TAFA1: variants seen among roughly 807,000 people sequenced by gnomAD.
TAFA1 encodes TAFA chemokine like family member 1, also known as chemokine-like protein TAFA-1.
Under a neutral mutation model 18.5 loss-of-function variants are expected in TAFA1, and 4 were observed. The observed-to-expected ratio is 0.22, with a 90% CI of 0.11 to 0.49. TAFA1 has a LOEUF of 0.49. Among genes scored for constraint, TAFA1 ranks in the 20% least tolerant of loss-of-function variants. The pLI is 0.98. For synonymous variants in TAFA1, 56 were observed against 55.2 expected (o/e 1.01, Z -0.06); for missense variants, 147 against 169.0 (o/e 0.87, Z 0.72).
chr3:68,194,431 A>G (rs112947567), intron 2 of TAFA1, among the ~76,000 whole-genome samples: 36 of 151,874 alleles, frequency 2.4e-4, no homozygotes, highest in African/African-American at 8.2e-4. Flanking sequence ...AGATGAGACT[A>G]ACCAGACAAT....
chr3:68,225,182 A>G (rs550077487), intron 2 of TAFA1, among the ~76,000 whole-genome samples: 2 of 152,044 alleles, frequency 1.3e-5, no homozygotes, highest in Middle Eastern at 6.8e-3. Context: ...TGCTTGGATT[A>G]CAGGCATGAG....
intron 2 of TAFA1, among the ~76,000 whole-genome samples, chr3:68,120,411 G>C (rs2065385510): frequency 6.6e-6 from 1 of 151,850 alleles, no homozygotes; most frequent in Non-Finnish European, 1.5e-5. Flanking sequence ...ACTGCACCTG[G>C]CTAACTTTTA....
At chr3:68,214,273 C>T (rs1018520035) in intron 2 of TAFA1, among the ~76,000 whole-genome samples, 3 of 152,066 alleles carry the variant, frequency 2.0e-5, no homozygotes, top group Non-Finnish European at 4.4e-5. Flanking sequence ...TTGCCAAGCA[C>T]ACTTGAAACA....
At chr3:68,336,120 C>G (rs1205500222) in intron 2 of TAFA1, among the ~76,000 whole-genome samples, 1 of 152,200 alleles carries the variant, frequency 6.6e-6, no homozygotes, top group Non-Finnish European at 1.5e-5. Context: ...CATTGGCTTT[C>G]TAATTTGACA....
intron 2 of TAFA1, among the ~76,000 whole-genome samples, chr3:68,069,196 C>T (rs927022463): frequency 2.0e-5 from 3 of 152,064 alleles, no homozygotes; most frequent in Non-Finnish European, 4.4e-5. Flanking sequence ...TAAAGACATA[C>T]CCGAGACTGG....
At chr3:68,242,439 C>T (rs2067011369) in intron 2 of TAFA1, among the ~76,000 whole-genome samples, 1 of 152,086 alleles carries the variant, frequency 6.6e-6, no homozygotes, top group South Asian at 2.1e-4. Flanking sequence ...CAACTGGTTA[C>T]AAGTTCTAAA....
chr3:68,527,684 G>C (rs796683090), intron 3 of TAFA1, among the ~76,000 whole-genome samples: 1 of 152,050 alleles, frequency 6.6e-6, no homozygotes, highest in Non-Finnish European at 1.5e-5. Context: ...TTGGTGCAGA[G>C]TTCCAAAAAG....
At chr3:68,459,603 T>C (rs1024374887) in intron 3 of TAFA1, among the ~76,000 whole-genome samples, 1 of 152,222 alleles carries the variant, frequency 6.6e-6, no homozygotes, top group Non-Finnish European at 1.5e-5. Flanking sequence ...TAAATGAAAC[T>C]AATACTAGTT....
At chr3:68,222,188 A>G (rs1309201485) in intron 2 of TAFA1, among the ~76,000 whole-genome samples, 2 of 81,484 alleles carry the variant, frequency 2.5e-5, no homozygotes, top group Non-Finnish European at 5.7e-5. Flanking sequence ...AACAAAACCA[A>G]GCCTAAAAAC....
chr3:68,413,172 C>T (rs1456524589), intron 2 of TAFA1, among the ~76,000 whole-genome samples: 3 of 152,130 alleles, frequency 2.0e-5, no homozygotes, highest in Non-Finnish European at 4.4e-5. Flanking sequence ...ACATAATTGT[C>T]TTCTTTTGAG....
intron 2 of TAFA1, among the ~76,000 whole-genome samples, chr3:68,121,760 C>A (rs2065402343): frequency 6.6e-6 from 1 of 152,080 alleles, no homozygotes; most frequent in Admixed American, 6.5e-5. Context: ...GCATACACTG[C>A]CATTTATATC....
At chr3:68,240,289 G>A (rs1163746832) in intron 2 of TAFA1, among the ~76,000 whole-genome samples, 1 of 152,148 alleles carries the variant, frequency 6.6e-6, no homozygotes. Flanking sequence ...CATTGCATGT[G>A]TAACTAAGAA....
chr3:68,112,485 A>G (rs1401920321), intron 2 of TAFA1, among the ~76,000 whole-genome samples: 1 of 152,204 alleles, frequency 6.6e-6, no homozygotes. Context: ...TCTTTAATCT[A>G]ATACATTATA....
chr3:68,061,176 G>C (rs998407691), intron 2 of TAFA1, among the ~76,000 whole-genome samples: 28 of 152,180 alleles, frequency 1.8e-4, no homozygotes, highest in African/African-American at 6.5e-4. Context: ...ATGCGAGTCT[G>C]TCTCTCTCAT....
chr3:68,390,806 A>G (rs1293111183), intron 2 of TAFA1, among the ~76,000 whole-genome samples: 1 of 152,188 alleles, frequency 6.6e-6, no homozygotes, highest in Admixed American at 6.5e-5. Flanking sequence ...AGAAAGCAAT[A>G]CCATCAACAT....
At chr3:68,375,800 A>AT (rs1490919051) in intron 2 of TAFA1, among the ~76,000 whole-genome samples, 1 of 152,144 alleles carries the variant, frequency 6.6e-6, no homozygotes, top group East Asian at 1.9e-4. Context: ...GCTATAGCCT[A>AT]TTTTTTGTAT....
intron 2 of TAFA1, among the ~76,000 whole-genome samples, chr3:68,380,662 G>A (rs2106669126): frequency 1.3e-5 from 2 of 152,208 alleles, no homozygotes; most frequent in Middle Eastern, 3.4e-3. Context: ...GTAGATTCTG[G>A]ATATTAGCCC....
chr3:68,188,441 C>T (rs906401565), intron 2 of TAFA1, among the ~76,000 whole-genome samples: 15 of 149,804 alleles, frequency 1.0e-4, no homozygotes, highest in Non-Finnish European at 2.1e-4. Flanking sequence ...TTTTGCTGTA[C>T]AGACATTTGA....
chr3:68,369,389 A>C (rs2069635769), intron 2 of TAFA1, among the ~76,000 whole-genome samples: 1 of 152,216 alleles, frequency 6.6e-6, no homozygotes, highest in East Asian at 1.9e-4. Flanking sequence ...TTATTGCTGA[A>C]GTTTAAAAAA....
Sources: allele counts gnomAD v4.1 joint callset (sites outside exome capture counted in the v4.1 genomes callset), GRCh38; gene constraint gnomAD v4.1.1; transcripts MANE v1.5; gene names NCBI Gene and HGNC (gene_info 2026-07-23, HGNC 2026-07-21).